PNKD: variants seen among roughly 807,000 people sequenced by gnomAD.
PNKD encodes probable thioesterase PNKD.
Under a neutral mutation model 45.3 loss-of-function variants are expected in PNKD, and 36 were observed. That is an observed-to-expected ratio of 0.80 (90% CI 0.61 to 1.05). The LOEUF (loss-of-function observed/expected upper bound fraction) is 1.05, where lower values mean the gene tolerates loss of function less well. PNKD is among the 50% of genes least tolerant of loss of function. PNKD has a pLI of 0.00. For missense variants in PNKD, 511 were observed against 506.6 expected (o/e 1.01, Z -0.08); for synonymous variants, 197 against 210.1 (o/e 0.94, Z 0.54).
chr2:218,271,656 T>C, intron 2 of PNKD, 107 bp downstream of exon 2: 3 of 971,912 alleles, frequency 3.1e-6, no homozygotes, highest in Non-Finnish European at 4.7e-6. Context: ...TCCAAAGTTG[T>C]GGGAACAGAA....
Position 218,275,565 on chromosome 2 carries a change from G to C in PNKD, c.236+4016G>C, listed in dbSNP as rs2292550. 631,545 of 1,613,430 alleles carry C rather than the reference G, an allele frequency of 0.39. 125,040 individuals carry two copies. Among genetic ancestry groups the C allele is most frequent in the Middle Eastern group, 0.49 (2,956 of 6,024 alleles). ...GCAGGGCGCCAGTGATGTAGTCCTC[G>C]GGGCTGATGGTGTGCTTCCGGTTCC... On this transcript the variant is annotated intron_variant, in intron 2 of 9. Transcript: ENST00000273077.
At chr2:218,278,599 C>A (rs1691508539) in intron 2 of PNKD, 2 of 1,613,114 alleles carry the variant, frequency 1.2e-6, no homozygotes, top group East Asian at 2.2e-5. Flanking sequence ...CAGTTCAGGC[C>A]CAAATCTGCC....
intron 2 of PNKD, among the ~76,000 whole-genome samples, chr2:218,302,218 C>T (rs952727629): frequency 2.0e-5 from 3 of 152,044 alleles, no homozygotes; most frequent in African/African-American, 7.2e-5. Flanking sequence ...CATGGTGGTG[C>T]GCACATGTAG....
At chr2:218,322,474 T>C (rs901202203) in intron 2 of PNKD, among the ~76,000 whole-genome samples, 2 of 152,186 alleles carry the variant, frequency 1.3e-5, no homozygotes, top group Non-Finnish European at 2.9e-5. Context: ...GCCCCAGCCC[T>C]AGGCCCCTCT....
rs1406974944 is a variant in PNKD at position 218,340,900 on chromosome 2, C to T, written c.524+114C>T. 1.1e-5 allele frequency: 9 copies of T among 845,690 alleles called. No individual in the cohort carries two copies. The highest frequency in any genetic ancestry group is 4.9e-5 in the East Asian group (2 of 41,196). The allele number at this position is 845,690 out of a possible 1,614,324, so 52.4% of individuals were successfully genotyped here. A position where few individuals can be genotyped will look rare whatever the true frequency, so the allele number is the denominator to read the frequency against. On this transcript the variant is annotated intron_variant, in intron 5 of 9. Coordinates refer to ENST00000273077, the MANE Select transcript of PNKD (RefSeq NM_015488.5). This position sits in a 1 kb window ranked among gnomAD's most constrained non-coding sequence, Gnocchi z 4.2. ...CAAGAAGTCAGTACGGGCCGGCACC[C>T]GCCTTCCTCGTGAAGTCACCTGGAC...
intron 2 of PNKD, among the ~76,000 whole-genome samples, chr2:218,310,518 G>C (rs149761382): frequency 6.6e-6 from 1 of 150,416 alleles, no homozygotes; most frequent in African/African-American, 2.4e-5. Flanking sequence ...CACTGCGCCC[G>C]GCCTACATAA....
At position 218,273,007 on chromosome 2, in the gene PNKD, C is replaced by A. The variant is rs1340261550; in HGVS notation, c.236+1458C>A. On this transcript the variant is annotated intron_variant, in intron 2 of 9. Transcript: ENST00000273077. ...GGGGCAGAGGGTGGGGCTGGTTACT[C>A]ATGTGTGCTCCCTCTCACAGAGCTC... The A allele has an allele frequency of 3.4e-6, 4 of 1,168,480 alleles. No individual in the cohort carries two copies. In the East Asian group the frequency reaches 9.2e-5, roughly 27 times the overall value. The allele number at this position is 1,168,480 out of a possible 1,614,324, so 72.4% of individuals were successfully genotyped here. A position where few individuals can be genotyped will look rare whatever the true frequency, so the allele number is the denominator to read the frequency against.
intron 2 of PNKD, chr2:218,278,140 G>A: frequency 2.9e-6 from 2 of 690,280 alleles, no homozygotes; most frequent in Admixed American, 2.7e-5. Context: ...TGGTACGCAG[G>A]GACAACATGG....
chr2:218,341,708 G>T, intron 6 of PNKD, 82 bp downstream of exon 6: 1 of 1,077,042 alleles, frequency 9.3e-7, no homozygotes, highest in African/African-American at 1.6e-5. Context: ...TGTTTCAGGG[G>T]TATCAGCAGG....
At chr2:218,280,242 A>G in intron 2 of PNKD, 1 of 761,354 alleles carries the variant, frequency 1.3e-6, no homozygotes, top group Non-Finnish European at 2.3e-6. Flanking sequence ...CAAGTGTTAT[A>G]ACAGGAACTC....
intron 2 of PNKD, chr2:218,272,629 A>G (rs200354335): frequency 6.2e-7 from 1 of 1,614,152 alleles, no homozygotes; most frequent in Middle Eastern, 1.7e-4. Context: ...GAAGTGGACA[A>G]GGACCGTGTG....
intron 2 of PNKD, among the ~76,000 whole-genome samples, chr2:218,308,337 C>T (rs1237194593): frequency 1.3e-5 from 2 of 151,408 alleles, no homozygotes; most frequent in African/African-American, 4.9e-5. Flanking sequence ...TTCAGGCACC[C>T]GCCACTACAC....
intron 8 of PNKD, 135 bp downstream of exon 8, chr2:218,343,721 AGG>A (rs1263021965): frequency 1.4e-6 from 1 of 703,630 alleles, no homozygotes; most frequent in Non-Finnish European, 2.6e-6. Flanking sequence ...CTCCACCTCT[AGG>A]GGTAGGGACA....
At chr2:218,311,863 G>C (rs1379935203) in intron 2 of PNKD, among the ~76,000 whole-genome samples, 1 of 152,214 alleles carries the variant, frequency 6.6e-6, no homozygotes, top group Middle Eastern at 3.2e-3. Flanking sequence ...CATATCTCAG[G>C]CTGTCTCAGT....
intron 8 of PNKD, among the ~76,000 whole-genome samples, chr2:218,343,927 T>C (rs1694754949): frequency 6.6e-6 from 1 of 152,244 alleles, no homozygotes; most frequent in South Asian, 2.1e-4. Context: ...GAGAAGTCAG[T>C]AAATCCACTC....
intron 7 of PNKD, among the ~76,000 whole-genome samples, chr2:218,342,569 G>A (rs1321779440): frequency 6.6e-6 from 1 of 150,958 alleles, no homozygotes; most frequent in Non-Finnish European, 1.5e-5. Context: ...GCATGGTGGT[G>A]CATGCCTGTA....
At chr2:218,339,211 C>T (rs1694595179) in intron 2 of PNKD, among the ~76,000 whole-genome samples, 2 of 152,150 alleles carry the variant, frequency 1.3e-5, no homozygotes, top group Admixed American at 1.3e-4. Flanking sequence ...GCAAATGTCA[C>T]TTCATCAGAG....
intron 7 of PNKD, among the ~76,000 whole-genome samples, 182 bp downstream of exon 7, chr2:218,342,326 G>A (rs1694703801): frequency 6.6e-6 from 1 of 152,218 alleles, no homozygotes; most frequent in Admixed American, 6.5e-5. Context: ...GGCACCTTGG[G>A]AGGCTGAGGC....
chr2:218,278,493 G>A (rs756151602), intron 2 of PNKD: 1 of 1,613,078 alleles, frequency 6.2e-7, no homozygotes, highest in South Asian at 1.1e-5. Context: ...CCCTCTCACT[G>A]TGTTAAGTCT....
Sources: gnomAD v4.1 joint callset for allele counts (sites outside exome capture counted in the v4.1 genomes callset) on GRCh38, gnomAD v4.1.1 for gene constraint, Gnocchi (gnomAD v3.1) non-coding constraint, MANE v1.5 for transcripts, NCBI Gene and HGNC (gene_info 2026-07-23, HGNC 2026-07-21) for gene names.